The following CRADD variants were observed in gnomAD, a reference collection of about 807,000 sequenced individuals.
The protein encoded by CRADD is death domain-containing protein CRADD.
In CRADD, 9 loss-of-function variants were observed where a neutral mutation model predicts 15.5. The observed-to-expected ratio is 0.58, with a 90% confidence interval of 0.35 to 1.01. CRADD has a LOEUF of 1.01. Ranked by LOEUF, CRADD falls within the 50% of genes least tolerant of loss-of-function variation. The probability of loss-of-function intolerance (pLI) is 0.02; values close to 1 mark genes in which losing one functional copy is unlikely to be tolerated. For missense variants in CRADD, 227 were observed against 250.3 expected, an observed-to-expected ratio of 0.91 and a Z score of 0.63; for synonymous variants, 118 against 107.6, an observed-to-expected ratio of 1.10 and a Z score of -0.60.
At chr12:93,854,987 G>A (rs1278919286), downstream of CRADD, among the ~76,000 whole-genome samples, 1 of 152,062 alleles carries the variant, frequency 6.6e-6, no homozygotes, top group Non-Finnish European at 1.5e-5. Context: ...TGAGCTCCAG[G>A]AGTTCGAGAC....
chr12:93,891,242 A>G (rs1297454039), intron 2 of CRADD, among the ~76,000 whole-genome samples: 1 of 151,828 alleles, frequency 6.6e-6, no homozygotes, highest in East Asian at 2.0e-4. Context: ...GAATCCCAGC[A>G]CTTTGGGAGG....
At chr12:93,723,446 C>G (rs1265920703) in intron 2 of CRADD, among the ~76,000 whole-genome samples, 2 of 152,260 alleles carry the variant, frequency 1.3e-5, no homozygotes, top group South Asian at 4.1e-4. Flanking sequence ...TGGCCCGCAC[C>G]CAGGAACTGA....
At chr12:93,837,652 T>C (rs1171901549) in intron 2 of CRADD, 3 of 152,174 alleles carry the variant, frequency 2.0e-5, no homozygotes, top group South Asian at 4.1e-4. Context: ...TTAGAAAATG[T>C]GTAAAGAAAA....
intron 2 of CRADD, among the ~76,000 whole-genome samples, chr12:93,695,064 A>G (rs1955668368): frequency 6.6e-6 from 1 of 152,244 alleles, no homozygotes; most frequent in Non-Finnish European, 1.5e-5. Flanking sequence ...TCTGACTTCA[A>G]AATGTGCTAC....
At chr12:93,884,019 A>T (rs1210812175) in intron 2 of CRADD, among the ~76,000 whole-genome samples, 1 of 152,154 alleles carries the variant, frequency 6.6e-6, no homozygotes, top group African/African-American at 2.4e-5. Context: ...CCAGCCTCAG[A>T]AGTGACACAC....
At chr12:93,726,403 C>T (rs1356044529) in intron 2 of CRADD, among the ~76,000 whole-genome samples, 2 of 152,004 alleles carry the variant, frequency 1.3e-5, no homozygotes, top group Non-Finnish European at 2.9e-5. Flanking sequence ...AGCACCTGGC[C>T]AATAGTTTAG....
intron 2 of CRADD, among the ~76,000 whole-genome samples, chr12:93,742,507 C>G (rs1956689187): frequency 6.6e-6 from 1 of 151,500 alleles, no homozygotes; most frequent in Non-Finnish European, 1.5e-5. Flanking sequence ...TGCCGGGGGG[C>G]GCCTGCAAGA....
intron 2 of CRADD, among the ~76,000 whole-genome samples, chr12:93,719,898 G>A (rs1382918220): frequency 1.3e-5 from 2 of 151,892 alleles, no homozygotes; most frequent in African/African-American, 4.8e-5. Context: ...TTGCTTTATT[G>A]ATTTTTTCCA....
intron 2 of CRADD, among the ~76,000 whole-genome samples, chr12:93,776,114 T>C (rs1957137997): frequency 6.6e-6 from 1 of 152,216 alleles, no homozygotes; most frequent in Non-Finnish European, 1.5e-5. Flanking sequence ...GCATTTTCTG[T>C]AATTTGATAT....
At chr12:93,868,602 T>G (rs1215161246) in intron 2 of CRADD, among the ~76,000 whole-genome samples, 1 of 152,114 alleles carries the variant, frequency 6.6e-6, no homozygotes, top group African/African-American at 2.4e-5. Flanking sequence ...CTTCCAGTTT[T>G]GAGTAATGGC....
chr12:93,832,148 A>G (rs1007946385), intron 2 of CRADD, among the ~76,000 whole-genome samples: 3 of 152,178 alleles, frequency 2.0e-5, no homozygotes, highest in Non-Finnish European at 4.4e-5. Context: ...TTTGATTCTT[A>G]ATATGTCAAT....
intron 2 of CRADD, among the ~76,000 whole-genome samples, chr12:93,749,745 C>T (rs967674863): frequency 6.6e-6 from 1 of 152,164 alleles, no homozygotes; most frequent in African/African-American, 2.4e-5. Flanking sequence ...CCAACACGCC[C>T]ATCATTTGCT....
chr12:93,773,453 C>T (rs1016681987), intron 2 of CRADD, among the ~76,000 whole-genome samples: 73 of 152,166 alleles, frequency 4.8e-4, no homozygotes, highest in Admixed American at 4.8e-3. Context: ...TCACCTTCTG[C>T]CATGATTGTG....
chr12:93,894,271 T>TGGGG, exon 3 of CRADD: 3 of 436,242 alleles, frequency 6.9e-6, no homozygotes, highest in East Asian at 5.0e-5. Context: ...TGTGTGTGGG[T>TGGGG]GGGCGGGGGG....
rs907788544 is a variant in CRADD at position 93,750,653 on chromosome 12, G to C, written c.298+71581G>C. ...GTATCAATTTCTTAGCCAATTTACT[G>C]TTTTCATTAATGAGGTATATGTGTC... is the stretch of plus-strand genomic sequence containing the variant. On this transcript the variant is annotated intron_variant, in intron 2 of 2. Coordinates refer to ENST00000332896, the MANE Select transcript of CRADD (RefSeq NM_003805.5). Among the ~76,000 whole-genome samples the C allele has an allele frequency of 2.0e-5, 3 of 151,740 alleles. No individual in the cohort carries two copies. The East Asian group carries it at 5.8e-4, about 29-fold the overall frequency.
chr12:93,728,031 C>T (rs1278213693), intron 2 of CRADD, among the ~76,000 whole-genome samples: 1 of 152,152 alleles, frequency 6.6e-6, no homozygotes, highest in African/African-American at 2.4e-5. Flanking sequence ...TTTATCTGCC[C>T]CCTGGACTGT....
chr12:93,725,873 A>G (rs1484822479), intron 2 of CRADD, among the ~76,000 whole-genome samples: 1 of 152,072 alleles, frequency 6.6e-6, no homozygotes, highest in Non-Finnish European at 1.5e-5. Flanking sequence ...CCCTGCCTGT[A>G]ATGTAGGTAT....
At position 93,690,661 on chromosome 12, in the gene CRADD, G is replaced by T. The variant is rs558085540; in HGVS notation, c.298+11589G>T. Among the ~76,000 whole-genome samples the T allele has an allele frequency of 1.5e-4, 23 of 152,334 alleles. No individual in the cohort carries two copies. In the East Asian group the frequency reaches 3.3e-3, roughly 22 times the overall value. The stretch of plus-strand genomic sequence containing the variant: ...CTGTTATCATTTGCATTTCACAGAT[G>T]AGGAGACTAAGGTGTTAGATAAATT... On this transcript the variant is annotated intron_variant, in intron 2 of 2. Transcript: ENST00000332896.
rs1200776688 is a variant in CRADD, at chr12:93,677,463, G to A, written c.-16G>A. The A allele has an allele frequency of 6.6e-6, 1 of 152,246 alleles. No homozygotes were observed. The highest frequency in any genetic ancestry group is 1.5e-5 in the Non-Finnish European group (1 of 68,054). 9.4% of individuals were successfully genotyped at this position (152,246 alleles called of 1,614,324 possible). On this transcript the variant is annotated 5_prime_UTR_variant, in exon 1 of 3. Coordinates refer to ENST00000332896, the MANE Select transcript of CRADD (RefSeq NM_003805.5). ...TTTCTCCCCCGCCCCAAAGATACGT[G>A]GTTGCAGACGTAAGTAACAGGAATC...
Sources: allele counts gnomAD v4.1 joint callset (sites outside exome capture counted in the v4.1 genomes callset), GRCh38; gene constraint gnomAD v4.1.1; transcripts MANE v1.5; gene names NCBI Gene and HGNC (gene_info 2026-07-23, HGNC 2026-07-21).